SNAP23: variants seen among roughly 807,000 people sequenced by gnomAD.
SNAP23 encodes the protein synaptosome associated protein 23, also known as synaptosomal-associated protein 23.
A neutral mutation model predicts 29.0 loss-of-function variants in SNAP23; 11 were observed. The observed-to-expected ratio is 0.38, with a 90% confidence interval of 0.24 to 0.63. The LOEUF (loss-of-function observed/expected upper bound fraction) is 0.63, where lower values mean the gene tolerates loss of function less well. Among genes scored for constraint, SNAP23 ranks in the 20% least tolerant of loss-of-function variants. SNAP23 has a pLI of 0.58. For missense variants in SNAP23, 220 were observed against 253.9 expected, an observed-to-expected ratio of 0.87 and a Z score of 0.91; for synonymous variants, 60 against 82.9, an observed-to-expected ratio of 0.72 and a Z score of 1.50.
At chr15:42,524,796 C>G (rs1396366711) in intron 5 of SNAP23, among the ~76,000 whole-genome samples, 2 of 152,080 alleles carry the variant, frequency 1.3e-5, no homozygotes, top group Non-Finnish European at 2.9e-5. Context: ...TATTTGTGAA[C>G]ATTTTTTATT....
intron 5 of SNAP23, chr15:42,521,501 T>C: frequency 7.2e-7 from 1 of 1,386,786 alleles, no homozygotes; most frequent in Non-Finnish European, 9.3e-7. Context: ...GAATGCATTA[T>C]GTTTTTAAAA....
chr15:42,504,048 TG>T (rs1238460761), intron 1 of SNAP23, among the ~76,000 whole-genome samples: 1 of 151,698 alleles, frequency 6.6e-6, no homozygotes, highest in Non-Finnish European at 1.5e-5. Context: ...AGGAGACCCT[TG>T]CCAGGCAAAG....
chr15:42,531,149 G>C (rs530076571), intron 7 of SNAP23, among the ~76,000 whole-genome samples: 3 of 152,170 alleles, frequency 2.0e-5, no homozygotes, highest in African/African-American at 7.2e-5. Flanking sequence ...CCAGTTTCAG[G>C]CATGTTAAAC....
chr15:42,500,681 C>T (rs1202760912), intron 1 of SNAP23, among the ~76,000 whole-genome samples: 3 of 151,530 alleles, frequency 2.0e-5, no homozygotes, highest in Non-Finnish European at 4.4e-5. Flanking sequence ...TGAGCCACCT[C>T]ACCCGGCCAG....
chr15:42,531,162 T>C lies in SNAP23; in HGVS notation c.571-251T>C, dbSNP rs1245555177. ...TCCCAGTTTCAGGCATGTTAAACTA[T>C]GAAAAAATGCGTTATAGAATTTATG... On this transcript the variant is annotated intron_variant, in intron 7 of 7. Transcript: ENST00000249647. Among the ~76,000 whole-genome samples the C allele has an allele frequency of 2.6e-5, 4 of 152,216 alleles. No homozygotes were observed. In the East Asian group the frequency reaches 7.7e-4, roughly 29 times the overall value.
At chr15:42,515,476 G>T (rs933219151) in intron 5 of SNAP23, 122 bp downstream of exon 5, 3 of 634,982 alleles carry the variant, frequency 4.7e-6, no homozygotes, top group Non-Finnish European at 8.3e-6. Context: ...AATCTAAGTT[G>T]TCTCTCCTTC....
intron 2 of SNAP23, chr15:42,512,441 C>G (rs960950852): frequency 7.1e-6 from 1 of 141,456 alleles, no homozygotes; most frequent in Non-Finnish European, 1.5e-5. Context: ...TATAGTGATG[C>G]GATCTCGGCT....
At chr15:42,518,529 C>A (rs1489896979) in intron 5 of SNAP23, among the ~76,000 whole-genome samples, 2 of 150,166 alleles carry the variant, frequency 1.3e-5, no homozygotes, top group African/African-American at 4.9e-5. Flanking sequence ...AACCTATCCT[C>A]CAGCGTCAGC....
chr15:42,493,264 C>G (rs1031904920), upstream of SNAP23, among the ~76,000 whole-genome samples: 2 of 151,896 alleles, frequency 1.3e-5, no homozygotes, highest in Non-Finnish European at 2.9e-5. Flanking sequence ...ATTTGAGCTG[C>G]AAAGGTAGAG....
At position 42,531,515 on chromosome 15, in the gene SNAP23, C is replaced by T. The variant is rs374999742; in HGVS notation, c.*37C>T. The T allele has an allele frequency of 1.1e-5, 16 of 1,480,450 alleles. No individual in the cohort carries two copies. The highest frequency in any genetic ancestry group is 5.4e-5 in the Admixed American group (3 of 55,368). 91.7% of individuals were successfully genotyped at this position (1,480,450 alleles called of 1,614,324 possible). ...TTCTTCTTTATCATTTATTCACTTC[C>T]GTAGCTCCTCCTTGAAAGTTATTAC... On this transcript the variant is annotated 3_prime_UTR_variant, in exon 8 of 8. Transcript: ENST00000249647.
intron 5 of SNAP23, among the ~76,000 whole-genome samples, chr15:42,518,274 G>A (rs77297959): frequency 3.2e-3 from 480 of 152,030 alleles, no homozygotes; most frequent in African/African-American, 9.8e-3. Flanking sequence ...AGTTAGGCTC[G>A]TCACATGAAT....
chr15:42,512,838 CT>C (rs2057367953), intron 2 of SNAP23, 116 bp from the exon 3 acceptor site: 2 of 717,686 alleles, frequency 2.8e-6, no homozygotes, highest in Non-Finnish European at 4.9e-6. Context: ...GCATGAGCCA[CT>C]GTGCCCGGCC....
intron 1 of SNAP23, chr15:42,505,309 C>G (rs528757895): frequency 6.6e-6 from 1 of 152,208 alleles, no homozygotes; most frequent in African/African-American, 2.4e-5. Flanking sequence ...AAGTGATCCG[C>G]CCACCTCTGC....
At chr15:42,492,862 C>T (rs758769405), upstream of SNAP23, 4 of 152,150 alleles carry the variant, frequency 2.6e-5, no homozygotes, top group African/African-American at 4.8e-5. Flanking sequence ...CCTTCAAAGG[C>T]ATGCAATGGA....
At chr15:42,512,908 T>A in intron 2 of SNAP23, 47 bp from the exon 3 acceptor site, 2 of 1,480,844 alleles carry the variant, frequency 1.4e-6, no homozygotes, top group Non-Finnish European at 1.9e-6. Flanking sequence ...GATCAGATTT[T>A]TTTTTCTACA....
At chr15:42,514,561 T>C (rs993718596) in intron 4 of SNAP23, among the ~76,000 whole-genome samples, 1 of 152,156 alleles carries the variant, frequency 6.6e-6, no homozygotes, top group African/African-American at 2.4e-5. Flanking sequence ...TCAGGTCTAG[T>C]TTTTATTACT....
At chr15:42,517,236 A>G (rs1325926192) in intron 5 of SNAP23, among the ~76,000 whole-genome samples, 1 of 152,218 alleles carries the variant, frequency 6.6e-6, no homozygotes, top group Non-Finnish European at 1.5e-5. Flanking sequence ...TCATATTTTA[A>G]TAACTATGAC....
At chr15:42,525,187 T>G (rs757497208) in intron 5 of SNAP23, among the ~76,000 whole-genome samples, 2 of 151,758 alleles carry the variant, frequency 1.3e-5, no homozygotes, top group Non-Finnish European at 2.9e-5. Flanking sequence ...GCTAACACGG[T>G]GAAACCCTGT....
chr15:42,499,238 T>G (rs2057248425), intron 1 of SNAP23, among the ~76,000 whole-genome samples: 1 of 152,094 alleles, frequency 6.6e-6, no homozygotes, highest in Non-Finnish European at 1.5e-5. Flanking sequence ...CTGGCTAATT[T>G]TATATTTTTA....
Sources: allele counts gnomAD v4.1 joint callset (sites outside exome capture counted in the v4.1 genomes callset), GRCh38; gene constraint gnomAD v4.1.1; transcripts MANE v1.5; gene names NCBI Gene and HGNC (gene_info 2026-07-23, HGNC 2026-07-21).